TET3: variants seen among roughly 807,000 people sequenced by gnomAD.
TET3 encodes methylcytosine dioxygenase TET3.
In TET3, 19 loss-of-function variants were observed where a neutral mutation model predicts 141.4. The ratio of observed to expected loss-of-function variants is 0.13; its 90% CI spans 0.09 to 0.20. The LOEUF (loss-of-function observed/expected upper bound fraction) is 0.20, where lower values mean the gene tolerates loss of function less well. Among genes scored for constraint, TET3 ranks in the 10% least tolerant of loss-of-function variants. TET3 has a pLI of 1.00. For synonymous variants in TET3, 1,043 were observed against 980.9 expected, an observed-to-expected ratio of 1.06 and a Z score of -1.18; for missense variants, 1,874 against 2,356.9, an observed-to-expected ratio of 0.80 and a Z score of 4.24.
intron 3 of TET3, among the ~76,000 whole-genome samples, chr2:74,009,715 A>G (rs1685327020): frequency 1.3e-5 from 2 of 152,170 alleles, no homozygotes; most frequent in Non-Finnish European, 2.9e-5. Context: ...TAAGACCTAG[A>G]CTGAGCAGAG....
intron 3 of TET3, among the ~76,000 whole-genome samples, chr2:74,018,848 G>C (rs966175960): frequency 6.6e-6 from 1 of 151,204 alleles, no homozygotes; most frequent in Non-Finnish European, 1.5e-5. Context: ...CACATGAAAC[G>C]TACAGGTTAT....
chr2:74,021,519 G>C (rs1417915908), intron 3 of TET3, among the ~76,000 whole-genome samples: 1 of 152,210 alleles, frequency 6.6e-6, no homozygotes, highest in African/African-American at 2.4e-5. Context: ...ACTGTCCCTG[G>C]TCAGCCTGTA....
intron 3 of TET3, among the ~76,000 whole-genome samples, chr2:74,041,159 A>G (rs149996500): frequency 1.3e-5 from 2 of 152,202 alleles, no homozygotes; most frequent in East Asian, 3.9e-4. Flanking sequence ...TGCATTTTCT[A>G]GTATCTCTAA....
intron 10 of TET3, among the ~76,000 whole-genome samples, chr2:74,096,588 G>A (rs1046125230): frequency 6.7e-6 from 1 of 150,332 alleles, no homozygotes; most frequent in Admixed American, 6.6e-5. Flanking sequence ...TCAACATAGT[G>A]AAACCCCGTT....
At chr2:74,077,091 A>T (rs183707681) in intron 5 of TET3, among the ~76,000 whole-genome samples, 19 of 152,336 alleles carry the variant, frequency 1.2e-4, no homozygotes, top group South Asian at 8.3e-4. Context: ...GCAGCCTAGG[A>T]GTTCATTAAA....
At chr2:74,028,424 G>C (rs1430660879) in intron 3 of TET3, among the ~76,000 whole-genome samples, 1 of 152,090 alleles carries the variant, frequency 6.6e-6, no homozygotes, top group East Asian at 1.9e-4. Flanking sequence ...ATTTATGTCT[G>C]TTTTAGAGTT....
the TET3 span, among the ~76,000 whole-genome samples, chr2:74,133,975 C>A: frequency 6.6e-6 from 1 of 151,904 alleles, no homozygotes; most frequent in African/African-American, 2.4e-5. Context: ...AAACTCCTGA[C>A]CTTGTGATCC....
chr2:74,099,420 G>A lies in TET3; in HGVS notation c.3412G>A (p.Ala1138Thr). ...ENQNAKVGSGAIQVLTAFPRE... is the reference protein window; with the variant it reads ...ENQNAKVGSGTIQVLTAFPRE... ...CCAGAATGCAAAGGTGGGCAGCGGA[G>A]CCATCCAGGTGCTCACCGCCTTCCC... The change falls in exon 11 of 12, where the codon GCC becomes ACC. Residue 1138 changes from alanine to threonine, a missense_variant. Ala to Thr is a moderately conservative substitution (Grantham distance 58). This residue lies in a region of TET3 where 53 missense variants were observed against 112.8 expected (regional missense o/e 0.47). Coordinates refer to ENST00000409262, the MANE Select transcript of TET3 (RefSeq NM_001287491.2). 1 of 1,613,988 alleles carries A rather than the reference G, an allele frequency of 6.2e-7. No homozygotes were observed. Among genetic ancestry groups the A allele is most frequent in the South Asian group, 1.1e-5 (1 of 91,088 alleles).
chr2:74,098,974 G>C (rs1351380773), intron 10 of TET3, among the ~76,000 whole-genome samples: 1 of 152,226 alleles, frequency 6.6e-6, no homozygotes, highest in Non-Finnish European at 1.5e-5. Context: ...ATGCCAGAGG[G>C]CAGAGCAAGC....
chr2:74,124,957 T>TAAA, the TET3 span, among the ~76,000 whole-genome samples: 1 of 120,584 alleles, frequency 8.3e-6, no homozygotes, highest in Non-Finnish European at 1.8e-5. Flanking sequence ...GGTTAAAAAC[T>TAAA]AAAAAAAAAA....
At position 73,985,168 on chromosome 2, in the gene TET3, T is replaced by A. The variant is rs1322868312; in HGVS notation, c.-425+11T>A. ...GGAGGCGGCGGGCAGGTCGGTGCAGTCGGTGCCTTTCCGGCTCCGGAGTGG... is the reference window on the plus strand; with the variant it reads ...GGAGGCGGCGGGCAGGTCGGTGCAGACGGTGCCTTTCCGGCTCCGGAGTGG... On this transcript the variant is annotated intron_variant, in intron 1 of 11. Coordinates refer to ENST00000409262, the MANE Select transcript of TET3 (RefSeq NM_001287491.2). 7.3e-6 allele frequency: 1 copy of A among 136,234 alleles called. No individual in the cohort carries two copies. The highest frequency in any genetic ancestry group is 2.7e-5 in the African/African-American group (1 of 37,360). 8.4% of individuals were successfully genotyped at this position (136,234 alleles called of 1,614,324 possible).
At chr2:74,131,624 C>T in the TET3 span, among the ~76,000 whole-genome samples, 1 of 152,168 alleles carries the variant, frequency 6.6e-6, no homozygotes, top group Non-Finnish European at 1.5e-5. Flanking sequence ...CAGGCAGTTT[C>T]CCCTACACTG....
At chr2:74,012,667 G>T (rs1019249503) in intron 3 of TET3, among the ~76,000 whole-genome samples, 5 of 152,324 alleles carry the variant, frequency 3.3e-5, no homozygotes, top group African/African-American at 1.2e-4. Flanking sequence ...GTCTTTGCAT[G>T]TTGAACTCAT....
At chr2:74,130,661 G>A in the TET3 span, 1 of 152,258 alleles carries the variant, frequency 6.6e-6, no homozygotes, top group South Asian at 2.1e-4. Context: ...GAGGGCAGCG[G>A]AACCCCCTCC....
In TET3 at chr2:74,102,273, A is replaced by T. The variant is rs1421951687; in HGVS notation, c.*97A>T. ...CCTGGGGGCGGGTTGGGGGTGCAGA[A>T]GTCTTTTTATCTCTATATACATATA... On this transcript the variant is annotated 3_prime_UTR_variant, in exon 12 of 12. Coordinates refer to ENST00000409262, the MANE Select transcript of TET3 (RefSeq NM_001287491.2). 4.4e-6 allele frequency: 6 copies of T among 1,355,856 alleles called. No individual in the cohort carries two copies. The highest frequency in any genetic ancestry group is 5.7e-6 in the Non-Finnish European group (6 of 1,055,812). The allele number at this position is 1,355,856 out of a possible 1,614,324, so 84.0% of individuals were successfully genotyped here.
In TET3 at chr2:74,087,746, G is replaced by T; in HGVS notation, c.2680-84G>T. On this transcript the variant is annotated intron_variant, in intron 6 of 11. Coordinates refer to ENST00000409262, the MANE Select transcript of TET3 (RefSeq NM_001287491.2). This position sits in a 1 kb window ranked among gnomAD's most constrained non-coding sequence, Gnocchi z 4.3. ...CCTGCCGTTAAGACCTGCACCCTGGGTCTGTGTGACAAAGGGAGGGGTGGC... is the reference window on the plus strand; with the variant it reads ...CCTGCCGTTAAGACCTGCACCCTGGTTCTGTGTGACAAAGGGAGGGGTGGC... 1.5e-6 allele frequency: 2 copies of T among 1,373,892 alleles called. No homozygotes were observed. Among genetic ancestry groups the T allele is most frequent in the South Asian group, 1.4e-5 (1 of 70,126 alleles). 85.1% of individuals were successfully genotyped at this position (1,373,892 alleles called of 1,614,324 possible).
At position 74,099,913 on chromosome 2, in the gene TET3, G is replaced by A. The variant is rs559330166; in HGVS notation, c.3604+301G>A. 1.4e-4 allele frequency among the ~76,000 whole-genome samples: 21 copies of A among 152,298 alleles called. No individual in the cohort carries two copies. In the East Asian group the frequency reaches 2.1e-3, roughly 15 times the overall value. ...TCTGAGCTCTAGTTTGCTCCCCTCT[G>A]AGATACTGAGGTGAGTAGCAGCACT... On this transcript the variant is annotated intron_variant, in intron 11 of 11. Transcript: ENST00000409262.
Position 74,099,532 on chromosome 2 carries a change from A to T in TET3, c.3524A>T (p.Lys1175Met), listed in dbSNP as rs1043278532. The T allele has an allele frequency of 5.6e-6, 9 of 1,612,082 alleles. No individual in the cohort carries two copies. Among genetic ancestry groups the T allele is most frequent in the Admixed American group, 3.3e-5 (2 of 59,726 alleles). ...AGAAAGGCAGCAGCCGAGAAGAAGAAGATTCAGAAGGAGAAGCTGAGCACT... is the reference window on the plus strand; with the variant it reads ...AGAAAGGCAGCAGCCGAGAAGAAGATGATTCAGAAGGAGAAGCTGAGCACT... ...EARKAAAEKK[K>M]IQKEKLSTPE... The change falls in exon 11 of 12, where the codon AAG (lysine) becomes ATG (methionine). Residue 1175 changes from lysine to methionine, a missense_variant. Lys to Met is a moderately conservative substitution (Grantham distance 95). Transcript: ENST00000409262.
At chr2:74,028,759 C>A (rs914583874) in intron 3 of TET3, among the ~76,000 whole-genome samples, 1 of 152,134 alleles carries the variant, frequency 6.6e-6, no homozygotes, top group Non-Finnish European at 1.5e-5. Flanking sequence ...AATTCATGGA[C>A]TGATAATTTT....
Sources: allele counts gnomAD v4.1 joint callset (sites outside exome capture counted in the v4.1 genomes callset), GRCh38; gene constraint gnomAD v4.1.1; regional missense constraint gnomAD v4.1.1; non-coding constraint Gnocchi (gnomAD v3.1); transcripts MANE v1.5; gene names NCBI Gene and HGNC (gene_info 2026-07-23, HGNC 2026-07-21).